The following PDE7B variants were observed in gnomAD, a reference collection of about 807,000 sequenced individuals.
PDE7B encodes the protein phosphodiesterase 7B, also known as 3',5'-cyclic-AMP phosphodiesterase 7B.
A neutral mutation model predicts 56.2 loss-of-function variants in PDE7B; 29 were observed. The observed-to-expected ratio is 0.52, with a 90% CI of 0.38 to 0.70. The LOEUF is 0.70. Among genes scored for constraint, PDE7B ranks in the 30% least tolerant of loss-of-function variants. The pLI is 0.00. For missense variants in PDE7B, 490 were observed against 565.0 expected, an observed-to-expected ratio of 0.87 and a Z score of 1.35; for synonymous variants, 197 against 196.9, an observed-to-expected ratio of 1.00 and a Z score of 0.00.
intron 1 of PDE7B, among the ~76,000 whole-genome samples, chr6:135,916,392 CTTT>C (rs566408380): frequency 2.1e-4 from 20 of 96,338 alleles, no homozygotes; most frequent in Non-Finnish European, 3.2e-4. Context: ...TCTTTTCTTT[CTTT>C]TTTTTTTTTT....
chr6:136,116,463 GA>G (rs1164806512), intron 3 of PDE7B, among the ~76,000 whole-genome samples: 92 of 152,330 alleles, frequency 6.0e-4, no homozygotes, highest in African/African-American at 2.2e-3. Context: ...TGAATCCAAA[GA>G]AATGTAATCA....
intron 2 of PDE7B, among the ~76,000 whole-genome samples, chr6:135,989,928 T>G (rs1023495548): frequency 6.6e-6 from 1 of 152,114 alleles, no homozygotes; most frequent in East Asian, 1.9e-4. Flanking sequence ...GTTATAGATT[T>G]TATTAGTAGA....
intron 2 of PDE7B, among the ~76,000 whole-genome samples, chr6:135,973,392 T>G (rs1775127744): frequency 6.6e-6 from 1 of 152,152 alleles, no homozygotes; most frequent in African/African-American, 2.4e-5. Flanking sequence ...GATCTTAGGT[T>G]GTTTCCATAT....
chr6:136,101,513 A>G (rs190443035), intron 2 of PDE7B, among the ~76,000 whole-genome samples: 251 of 152,304 alleles, frequency 1.6e-3, no homozygotes, highest in Non-Finnish European at 2.8e-3. Context: ...GTGTCCAGGA[A>G]TCTATCCATT....
intron 1 of PDE7B, among the ~76,000 whole-genome samples, chr6:135,874,954 T>A (rs1775462882): frequency 6.6e-6 from 1 of 152,152 alleles, no homozygotes; most frequent in African/African-American, 2.4e-5. Flanking sequence ...AGGGATAATC[T>A]TCCTGGTAAT....
At chr6:136,084,293 A>G (rs747273793) in intron 2 of PDE7B, among the ~76,000 whole-genome samples, 4 of 152,242 alleles carry the variant, frequency 2.6e-5, no homozygotes, top group Non-Finnish European at 5.9e-5. Context: ...AATTTATGCC[A>G]TCTCTAATCA....
chr6:136,002,263 C>T (rs1408794725), intron 2 of PDE7B, among the ~76,000 whole-genome samples: 1 of 152,120 alleles, frequency 6.6e-6, no homozygotes, highest in Admixed American at 6.6e-5. Flanking sequence ...ATTGTCAAGA[C>T]CGTCAAGGCT....
chr6:136,157,330 C>T (rs1778625999), intron 8 of PDE7B, among the ~76,000 whole-genome samples: 3 of 152,198 alleles, frequency 2.0e-5, no homozygotes, highest in African/African-American at 7.2e-5. Context: ...CCTGTAATCT[C>T]AGCACTTTGG....
rs1052606347 is a variant in PDE7B at position 135,928,978 on chromosome 6, T to C, written c.22-18486T>C. 2.0e-5 allele frequency among the ~76,000 whole-genome samples: 3 copies of C among 152,226 alleles called. No homozygotes were observed. The East Asian group carries it at 5.8e-4, about 29-fold the overall frequency. On this transcript the variant is annotated intron_variant, in intron 1 of 12. Coordinates refer to ENST00000308191, the MANE Select transcript of PDE7B (RefSeq NM_018945.4). ...AACCTAAAATAAATAACAGAAAGTA[T>C]AGACCTACTATGCAAAATTTTCACA...
chr6:136,130,183 C>T (rs557138879), intron 3 of PDE7B, among the ~76,000 whole-genome samples: 21 of 152,266 alleles, frequency 1.4e-4, no homozygotes, highest in Non-Finnish European at 2.6e-4. Context: ...AGAAAGGATA[C>T]AGTCTCATAG....
intron 2 of PDE7B, among the ~76,000 whole-genome samples, chr6:136,104,827 C>T (rs1031669179): frequency 1.3e-5 from 2 of 152,174 alleles, no homozygotes; most frequent in African/African-American, 2.4e-5. Flanking sequence ...ATTTACTACA[C>T]CAAAGGGGCA....
At chr6:135,917,461 C>T (rs1006185603) in intron 1 of PDE7B, among the ~76,000 whole-genome samples, 3 of 151,918 alleles carry the variant, frequency 2.0e-5, no homozygotes, top group East Asian at 3.9e-4. Flanking sequence ...TTTACAGTTT[C>T]CAGTTTTCTA....
rs149372378 is a variant in PDE7B, at chr6:135,922,799, T to C, written c.22-24665T>C. On this transcript the variant is annotated intron_variant, in intron 1 of 12. Transcript: ENST00000308191. ...GTAATAGCATCATTATACATTACTC[T>C]TGTTACCTATTAAGTGCTCAAGAAA... is the stretch of plus-strand genomic sequence containing the variant. Among the ~76,000 whole-genome samples, 132 of 152,320 alleles carry C rather than the reference T, an allele frequency of 8.7e-4. 1 individual carries two copies. The highest frequency in any genetic ancestry group is 2.9e-3 in the African/African-American group (121 of 41,572).
chr6:135,998,115 T>C (rs1775597399), intron 2 of PDE7B, among the ~76,000 whole-genome samples: 1 of 152,218 alleles, frequency 6.6e-6, no homozygotes, highest in Non-Finnish European at 1.5e-5. Context: ...TTGAAATCAC[T>C]TTTTATTTTA....
chr6:135,939,188 T>A (rs1278184099), intron 1 of PDE7B, among the ~76,000 whole-genome samples: 3 of 152,262 alleles, frequency 2.0e-5, no homozygotes, highest in Non-Finnish European at 4.4e-5. Context: ...ATGGCTCTTC[T>A]GGAAGGGTCA....
intron 2 of PDE7B, among the ~76,000 whole-genome samples, chr6:136,027,892 G>T (rs1038346857): frequency 6.6e-6 from 1 of 152,148 alleles, no homozygotes; most frequent in African/African-American, 2.4e-5. Flanking sequence ...AAAGTGCTGG[G>T]ATTACAAGTG....
At chr6:136,057,703 G>C (rs1033276560) in intron 2 of PDE7B, among the ~76,000 whole-genome samples, 15 of 152,160 alleles carry the variant, frequency 9.9e-5, no homozygotes, top group Non-Finnish European at 2.1e-4. Flanking sequence ...CTTGAATCTA[G>C]ATTCTAGATC....
chr6:136,157,028 AG>A (rs1319241960), intron 8 of PDE7B, among the ~76,000 whole-genome samples: 1 of 152,240 alleles, frequency 6.6e-6, no homozygotes, highest in Non-Finnish European at 1.5e-5. Context: ...ACAATAGCCC[AG>A]TGAGGTGAGT....
At chr6:135,886,991 A>G (rs933075490) in intron 1 of PDE7B, among the ~76,000 whole-genome samples, 64 of 152,264 alleles carry the variant, frequency 4.2e-4, no homozygotes, top group African/African-American at 1.5e-3. Flanking sequence ...CCAGCAGTAT[A>G]AAAGTGTTCC....
Sources: gnomAD v4.1 joint callset for allele counts (sites outside exome capture counted in the v4.1 genomes callset) on GRCh38, gnomAD v4.1.1 for gene constraint, MANE v1.5 for transcripts, NCBI Gene and HGNC (gene_info 2026-07-23, HGNC 2026-07-21) for gene names.